CENPE: variants seen among roughly 807,000 people sequenced by gnomAD.
CENPE encodes the protein centromere protein E, also known as centromere-associated protein E.
In CENPE, 145 loss-of-function variants were observed where a neutral mutation model predicts 336.1. That is an observed-to-expected ratio of 0.43 (90% CI 0.38 to 0.50). The LOEUF (loss-of-function observed/expected upper bound fraction) is 0.50, where lower values mean the gene tolerates loss of function less well. Ranked by LOEUF, CENPE falls within the 20% of genes least tolerant of loss-of-function variation. The pLI is 0.00. For missense variants in CENPE, 2,719 were observed against 3,023.3 expected, an observed-to-expected ratio of 0.90 and a Z score of 2.36; for synonymous variants, 1,013 against 984.8, an observed-to-expected ratio of 1.03 and a Z score of -0.54.
chr4:103,137,655 G>C (rs1175554121), intron 39 of CENPE, among the ~76,000 whole-genome samples: 16 of 152,086 alleles, frequency 1.1e-4, no homozygotes, highest in African/African-American at 2.9e-4. Flanking sequence ...CATTCCAACA[G>C]GTGTGACTGT....
rs200146898 is a variant in CENPE, at chr4:103,170,897, C to T, written c.1647+3839G>A. ...AGAGCAGGAGAAGCTATACTTATAT[C>T]AGCTAAAATAGACTTTACATCAAAA... On this transcript the variant is annotated intron_variant, in intron 16 of 48. Transcript: ENST00000265148. Among the ~76,000 whole-genome samples, 9 of 152,220 alleles carry T rather than the reference C, an allele frequency of 5.9e-5. No individual in the cohort carries two copies. In the East Asian group the frequency reaches 1.4e-3, roughly 23 times the overall value.
At chr4:103,133,365 A>G (rs1225887363) in intron 41 of CENPE, among the ~76,000 whole-genome samples, 1 of 152,154 alleles carries the variant, frequency 6.6e-6, no homozygotes, top group African/African-American at 2.4e-5. Flanking sequence ...TTCTAAATGT[A>G]GCTTTTCAGT....
At position 103,196,752 on chromosome 4, in the gene CENPE, A is replaced by G; in HGVS notation, c.148+7T>C. ...CAAGGTAACTTTTGATGCTATTATA[A>G]GCTTACCAAAATTGAAGGATTTACT... On this transcript the variant is annotated splice_region_variant and intron_variant, in intron 2 of 48. Coordinates refer to ENST00000265148, the MANE Select transcript of CENPE (RefSeq NM_001813.3). The G allele has an allele frequency of 7.1e-7, 1 of 1,417,062 alleles. No homozygotes were observed. Among genetic ancestry groups the G allele is most frequent in the Non-Finnish European group, 9.9e-7 (1 of 1,006,762 alleles). 87.8% of individuals were successfully genotyped at this position (1,417,062 alleles called of 1,614,324 possible).
rs1456091180 is a variant in CENPE, at chr4:103,139,845, A to C, written c.6148T>G (p.Ser2050Ala). 1 of 1,612,310 alleles carries C rather than the reference A, an allele frequency of 6.2e-7. No homozygotes were observed. Among genetic ancestry groups the C allele is most frequent in the Non-Finnish European group, 8.5e-7 (1 of 1,179,380 alleles). Reference sequence around the variant, plus strand: ...AATTGGTCCCTTTCCATTTTGAGAGATTCTTTTATCCTCCTTAGCTCATCT... The same window carrying C: ...AATTGGTCCCTTTCCATTTTGAGAGCTTCTTTTATCCTCCTTAGCTCATCT... The part of the protein sequence containing the change: ...ERDELRRIKE[S>A]LKMERDQFIA... The change falls in exon 38 of 49, where the codon TCT (serine) becomes GCT (alanine). Residue 2050 changes from serine to alanine, a missense_variant. Ser to Ala is a moderately conservative substitution (Grantham distance 99, BLOSUM62 1). Around this residue, in one of 5 missense-constraint regions of CENPE, gnomAD observed 2,437 missense variants for 2,513.3 expected, o/e 0.97. Transcript: ENST00000265148.
chr4:103,120,614 T>C (rs1463454839), intron 43 of CENPE, among the ~76,000 whole-genome samples: 1 of 152,208 alleles, frequency 6.6e-6, no homozygotes, highest in African/African-American at 2.4e-5. Context: ...TGCGATTTAT[T>C]AGTTAGCATA....
chr4:103,175,884 C>T, intron 15 of CENPE, 76 bp downstream of exon 15: 1 of 873,666 alleles, frequency 1.1e-6, no homozygotes. Flanking sequence ...TAAATGAGAA[C>T]AAGTAACAAA....
chr4:103,177,880 A>G (rs72665088), intron 13 of CENPE, among the ~76,000 whole-genome samples: 2,344 of 152,044 alleles, frequency 0.015, 32 homozygotes, highest in Non-Finnish European at 0.023. Flanking sequence ...GCCAGTTGCT[A>G]CCAAAGCCAC....
intron 16 of CENPE, among the ~76,000 whole-genome samples, chr4:103,168,379 C>A (rs1250445510): frequency 2.0e-5 from 3 of 152,188 alleles, no homozygotes; most frequent in Non-Finnish European, 4.4e-5. Flanking sequence ...TGCAGCCTGG[C>A]AGTTATCCTG....
intron 8 of CENPE, among the ~76,000 whole-genome samples, chr4:103,192,912 A>G (rs928855675): frequency 3.3e-5 from 5 of 151,738 alleles, no homozygotes; most frequent in Non-Finnish European, 5.9e-5. Context: ...AATACCTCCA[A>G]GTTTTTTTTT....
rs755515319 is a variant in CENPE at position 103,123,044 on chromosome 4, T to C, written c.6970A>G (p.Ile2324Val). Residue 2324 changes from isoleucine (I) to valine (V), a missense_variant, in exon 43 of 49, where the codon ATA (isoleucine) becomes GTA (valine). Ile to Val is a conservative substitution (Grantham distance 29). Transcript: ENST00000265148. ...STEFEERSAT[I>V]SKEWEQDLKS... ...AGGTCCTGTTCCCACTCTTTGGATA[T>C]GGTAGCACTTCTTTCCTCAAACTCT... 1.2e-6 allele frequency: 2 copies of C among 1,613,964 alleles called. No individual in the cohort carries two copies. Among genetic ancestry groups the C allele is most frequent in the African/African-American group, 1.3e-5 (1 of 75,048 alleles).
rs776509681 is a variant in CENPE at position 103,160,770 on chromosome 4, C to T, written c.2141G>A (p.Cys714Tyr). 19 of 1,587,622 alleles carry T rather than the reference C, an allele frequency of 1.2e-5. No homozygotes were observed. Among genetic ancestry groups the T allele is most frequent in the Non-Finnish European group, 1.5e-5 (18 of 1,168,960 alleles). The stretch of plus-strand genomic sequence containing the variant: ...AATCTTTCCTTCCAATTCCAAATTA[C>T]AGAGCAAATCTAGAAAGTTTTGGTA... ...IDGKVPKDLL[C>Y]NLELEGKITD... is the part of the protein sequence containing the mutation. The change falls in exon 21 of 49, where the codon TGT becomes TAT. Residue 714 changes from cysteine (C) to tyrosine (Y), a missense_variant. Around this residue, in one of 5 missense-constraint regions of CENPE, gnomAD observed 2,437 missense variants for 2,513.3 expected, o/e 0.97. Coordinates refer to ENST00000265148, the MANE Select transcript of CENPE (RefSeq NM_001813.3).
intron 46 of CENPE, among the ~76,000 whole-genome samples, chr4:103,113,541 T>TATATATA (rs1277794484): frequency 1.1e-4 from 15 of 138,092 alleles, no homozygotes; most frequent in African/African-American, 3.1e-4. Context: ...ATATATAACT[T>TATATATA]ATATATAATA....
At chr4:103,144,702 T>G (rs1752866058) in intron 32 of CENPE, 84 bp from the exon 33 acceptor site, 1 of 877,268 alleles carries the variant, frequency 1.1e-6, no homozygotes, top group East Asian at 2.6e-5. Context: ...AGGCAATCAT[T>G]TTTACATTGT....
At chr4:103,185,981 C>T (rs915401988) in intron 8 of CENPE, 120 bp from the exon 9 acceptor site, 5 of 584,422 alleles carry the variant, frequency 8.6e-6, no homozygotes, top group Non-Finnish European at 1.5e-5. Flanking sequence ...ATCCATGTCT[C>T]CCATGCTACT....
At position 103,136,300 on chromosome 4, in the gene CENPE, A is replaced by G; in HGVS notation, c.6363T>C (p.Ser2121=). The G allele has an allele frequency of 6.2e-7, 1 of 1,613,276 alleles. No individual in the cohort carries two copies. The highest frequency in any genetic ancestry group is 2.2e-5 in the East Asian group (1 of 44,798). The change falls in exon 40 of 49, where the codon TCT becomes TCC. Residue 2121 remains serine, a synonymous_variant. Coordinates refer to ENST00000265148, the MANE Select transcript of CENPE (RefSeq NM_001813.3). ...ATTCAATTTCCTTCTCCAAGTCAAG[A>G]GACAATCTATTCAAGCACTCATAAT... ...DDHYECLNRL[S]LDLEKEIEFQ... is the part of the protein sequence containing the mutation.
In CENPE at chr4:103,140,836, C is replaced by G. The variant is rs1381657; in HGVS notation, c.5732G>C (p.Ser1911Thr). 0.19 allele frequency: 295,331 copies of G among 1,589,392 alleles called. 28,454 individuals are homozygous for G. The highest frequency in any genetic ancestry group is 0.3 in the South Asian group (25,858 of 86,126). ...LKLERDQLKE[S>T]LQETKARDLE... ...CACTCTAGCTTTGGTTTCTTGCAGG[C>G]TTTCCTTGAGTTGGTCTCTCTCCAG... Residue 1911 changes from serine to threonine, a missense_variant, in exon 36 of 49, where the codon AGC (serine) becomes ACC (threonine). Ser to Thr is a moderately conservative substitution (Grantham distance 58, BLOSUM62 1). Around this residue, in one of 5 missense-constraint regions of CENPE, gnomAD observed 2,437 missense variants for 2,513.3 expected, o/e 0.97. Coordinates refer to ENST00000265148, the MANE Select transcript of CENPE (RefSeq NM_001813.3).
At chr4:103,189,961 A>G (rs897213467) in intron 8 of CENPE, among the ~76,000 whole-genome samples, 24 of 152,220 alleles carry the variant, frequency 1.6e-4, no homozygotes, top group African/African-American at 5.8e-4. Flanking sequence ...ATACAAAATC[A>G]ATGTGCAAAA....
At chr4:103,118,316 T>C (rs531341742) in intron 44 of CENPE, among the ~76,000 whole-genome samples, 1 of 152,372 alleles carries the variant, frequency 6.6e-6, no homozygotes, top group Admixed American at 6.5e-5. Context: ...TGATGACATA[T>C]GATATGAAGC....
chr4:103,174,230 T>C (rs1755665783), intron 16 of CENPE, among the ~76,000 whole-genome samples: 1 of 151,308 alleles, frequency 6.6e-6, no homozygotes, highest in Non-Finnish European at 1.5e-5. Context: ...CAAAGGACAT[T>C]ATAAACCAGG....
Sources: allele counts gnomAD v4.1 joint callset (sites outside exome capture counted in the v4.1 genomes callset), GRCh38; gene constraint gnomAD v4.1.1; regional missense constraint gnomAD v4.1.1; transcripts MANE v1.5; gene names NCBI Gene and HGNC (gene_info 2026-07-23, HGNC 2026-07-21).